TNFSF4: variants seen among roughly 807,000 people sequenced by gnomAD.
The protein encoded by TNFSF4 is tumor necrosis factor ligand superfamily member 4.
TNFSF4 carries 4 observed loss-of-function variants against 7.3 expected under a neutral mutation model. That is an observed-to-expected ratio of 0.55 (90% CI 0.27 to 1.25). The LOEUF is 1.25. Ranked by LOEUF, TNFSF4 falls within the 50% of genes most tolerant of loss-of-function variation. The probability of loss-of-function intolerance (pLI) is 0.12; values close to 1 mark genes in which losing one functional copy is unlikely to be tolerated. For synonymous variants in TNFSF4, 76 were observed against 83.7 expected (o/e 0.91, Z 0.50); for missense variants, 181 against 208.8 (o/e 0.87, Z 0.82).
At chr1:173,367,630 G>A in the TNFSF4 span, among the ~76,000 whole-genome samples, 5 of 152,246 alleles carry the variant, frequency 3.3e-5, no homozygotes, top group African/African-American at 1.2e-4. Flanking sequence ...ATAAGATCAT[G>A]TGAACCCACT....
downstream of TNFSF4, among the ~76,000 whole-genome samples, chr1:173,180,169 C>T (rs1361601812): frequency 6.6e-6 from 1 of 152,056 alleles, no homozygotes; most frequent in African/African-American, 2.4e-5. Flanking sequence ...CTTTCTTTAC[C>T]ACCCATATGT....
chr1:173,233,239 A>G, the TNFSF4 span, among the ~76,000 whole-genome samples: 1 of 152,228 alleles, frequency 6.6e-6, no homozygotes, highest in Non-Finnish European at 1.5e-5. Context: ...GTGACTAAAG[A>G]TCAAATGAAT....
At chr1:173,223,866 T>C in the TNFSF4 span, among the ~76,000 whole-genome samples, 1 of 152,094 alleles carries the variant, frequency 6.6e-6, no homozygotes, top group African/African-American at 2.4e-5. Flanking sequence ...GGGGAAAGAA[T>C]GGGTGGTGGC....
chr1:173,354,162 T>C, the TNFSF4 span, among the ~76,000 whole-genome samples: 2 of 152,076 alleles, frequency 1.3e-5, no homozygotes, highest in African/African-American at 4.8e-5. Flanking sequence ...AGGGGAATAT[T>C]ACCACTGACC....
chr1:173,382,479 G>A, the TNFSF4 span, among the ~76,000 whole-genome samples: 3 of 152,112 alleles, frequency 2.0e-5, no homozygotes, highest in African/African-American at 4.8e-5. Flanking sequence ...TGTAGATGAC[G>A]GGTTGATGAG....
the TNFSF4 span, among the ~76,000 whole-genome samples, chr1:173,250,548 C>T: frequency 1.3e-4 from 20 of 152,036 alleles, no homozygotes; most frequent in Non-Finnish European, 2.5e-4. Context: ...CAAGCTCCGC[C>T]TCCCGGGTTC....
the TNFSF4 span, among the ~76,000 whole-genome samples, chr1:173,305,074 T>C: frequency 6.6e-6 from 1 of 151,912 alleles, no homozygotes; most frequent in South Asian, 2.1e-4. Context: ...TTTTTCAGAC[T>C]TCCATAGGCC....
At chr1:173,405,816 A>G in the TNFSF4 span, among the ~76,000 whole-genome samples, 1 of 152,264 alleles carries the variant, frequency 6.6e-6, no homozygotes, top group Non-Finnish European at 1.5e-5. Flanking sequence ...AATTTCCAGC[A>G]TGAGCATTGG....
the TNFSF4 span, among the ~76,000 whole-genome samples, chr1:173,234,852 G>A: frequency 1.3e-5 from 2 of 152,116 alleles, no homozygotes; most frequent in African/African-American, 4.8e-5. Flanking sequence ...TAAACGACGA[G>A]TTAATGGGTG....
At chr1:173,209,898 A>G (rs1337240531), upstream of TNFSF4, among the ~76,000 whole-genome samples, 2 of 152,158 alleles carry the variant, frequency 1.3e-5, no homozygotes, top group African/African-American at 4.8e-5. Flanking sequence ...AAATAAACCA[A>G]AGTAATTATC....
chr1:173,380,818 GA>G, the TNFSF4 span, among the ~76,000 whole-genome samples: 1 of 152,134 alleles, frequency 6.6e-6, no homozygotes, highest in South Asian at 2.1e-4. Context: ...ATGGGGAAAA[GA>G]AAACAACAAA....
At chr1:173,416,441 G>A in the TNFSF4 span, among the ~76,000 whole-genome samples, 1 of 152,084 alleles carries the variant, frequency 6.6e-6, no homozygotes, top group Non-Finnish European at 1.5e-5. Context: ...GCAGAGGAGA[G>A]GGAAGGGGAC....
At chr1:173,435,077 C>T in the TNFSF4 span, among the ~76,000 whole-genome samples, 2 of 152,200 alleles carry the variant, frequency 1.3e-5, no homozygotes, top group African/African-American at 2.4e-5. Flanking sequence ...CAACTCTCAG[C>T]TTCGTGGTCA....
the TNFSF4 span, among the ~76,000 whole-genome samples, chr1:173,379,434 G>A: frequency 6.6e-6 from 1 of 152,172 alleles, no homozygotes; most frequent in African/African-American, 2.4e-5. Flanking sequence ...CTCAGGGAAA[G>A]GAAGAAGATC....
chr1:173,320,866 T>C, the TNFSF4 span, among the ~76,000 whole-genome samples: 1 of 152,212 alleles, frequency 6.6e-6, no homozygotes, highest in Non-Finnish European at 1.5e-5. Context: ...TGCTCATGGA[T>C]AGGAAGAATC....
the TNFSF4 span, among the ~76,000 whole-genome samples, chr1:173,377,310 T>C: frequency 0.7 from 105,815 of 152,042 alleles, 37,034 homozygotes; most frequent in African/African-American, 0.78. Flanking sequence ...GGGACTAGCA[T>C]GGCCACTGGA....
the TNFSF4 span, among the ~76,000 whole-genome samples, chr1:173,370,869 A>G: frequency 4.0e-5 from 6 of 150,972 alleles, no homozygotes; most frequent in African/African-American, 1.5e-4. Flanking sequence ...GAGCAGGCCA[A>G]TCACCCAGTA....
chr1:173,245,078 G>A, the TNFSF4 span, among the ~76,000 whole-genome samples: 1 of 151,502 alleles, frequency 6.6e-6, no homozygotes, highest in African/African-American at 2.4e-5. Context: ...AAGAGAAAAG[G>A]AAACAAGTGA....
the TNFSF4 span, among the ~76,000 whole-genome samples, chr1:173,441,480 G>A: frequency 3.3e-5 from 5 of 151,952 alleles, no homozygotes; most frequent in African/African-American, 9.7e-5. Flanking sequence ...AAAAATTAGC[G>A]AGGCATGATG....
Sources: allele counts gnomAD v4.1 joint callset (sites outside exome capture counted in the v4.1 genomes callset), GRCh38; gene constraint gnomAD v4.1.1; transcripts MANE v1.5; gene names NCBI Gene and HGNC (gene_info 2026-07-23, HGNC 2026-07-21).